The following STX6 variants were observed in gnomAD, a reference collection of about 807,000 sequenced individuals.
STX6 encodes the protein syntaxin-6.
A neutral mutation model predicts 38.0 loss-of-function variants in STX6; 23 were observed. That is an observed-to-expected ratio of 0.60 (90% CI 0.43 to 0.86). The LOEUF (loss-of-function observed/expected upper bound fraction) is 0.86, where lower values mean the gene tolerates loss of function less well. Among genes scored for constraint, STX6 ranks in the 40% least tolerant of loss-of-function variants. The pLI is 0.00. For synonymous variants in STX6, 123 were observed against 107.5 expected, an observed-to-expected ratio of 1.14 and a Z score of -0.89; for missense variants, 274 against 312.9, an observed-to-expected ratio of 0.88 and a Z score of 0.94.
intron 1 of STX6, among the ~76,000 whole-genome samples, chr1:181,009,428 C>T (rs965217521): frequency 1.2e-4 from 17 of 144,318 alleles, no homozygotes; most frequent in Non-Finnish European, 2.4e-4. Context: ...GAGATCGTGC[C>T]ATTGCACTCC....
chr1:180,988,216 G>A (rs560076744), intron 6 of STX6, 23 bp downstream of exon 6: 24 of 1,572,100 alleles, frequency 1.5e-5, no homozygotes, highest in East Asian at 2.2e-5. Flanking sequence ...TCACTGAAGC[G>A]AGAGGGGTGT....
chr1:180,984,678 A>C lies in STX6; in HGVS notation c.690T>G (p.Ser230Arg). Residue 230 changes from serine (S) to arginine (R), a missense_variant and splice_region_variant, in exon 7 of 8, where the codon AGT becomes AGG. Ser to Arg is a moderately radical substitution (Grantham distance 110). Coordinates refer to ENST00000258301, the MANE Select transcript of STX6 (RefSeq NM_005819.6). The part of the protein sequence containing the change: ...KKLAKVSHMT[S>R]DRRQWCAIAI... ...TTAAGCTTTAAACGCCATACATACC[A>C]CTGGTCATATGAGATACTTTTGCAA... 1 of 1,457,456 alleles carries C rather than the reference A, an allele frequency of 6.9e-7. No homozygotes were observed. Among genetic ancestry groups the C allele is most frequent in the Non-Finnish European group, 9.6e-7 (1 of 1,038,664 alleles). The allele number at this position is 1,457,456 out of a possible 1,614,324, so 90.3% of individuals were successfully genotyped here. A position where few individuals can be genotyped will look rare whatever the true frequency, so the allele number is the denominator to read the frequency against.
intron 3 of STX6, among the ~76,000 whole-genome samples, chr1:181,001,943 C>G (rs1329995641): frequency 6.6e-6 from 1 of 152,180 alleles, no homozygotes; most frequent in East Asian, 1.9e-4. Context: ...CTTTGAGAGG[C>G]TGAGGCAGGC....
At chr1:181,021,881 A>C (rs1285424619) in intron 1 of STX6, among the ~76,000 whole-genome samples, 5 of 152,246 alleles carry the variant, frequency 3.3e-5, no homozygotes, top group Non-Finnish European at 7.3e-5. Flanking sequence ...GAAATCAAGG[A>C]GTTAACAAGC....
At chr1:180,984,944 G>A (rs558882978) in intron 6 of STX6, among the ~76,000 whole-genome samples, 173 bp from the exon 7 acceptor site, 21 of 152,226 alleles carry the variant, frequency 1.4e-4, no homozygotes, top group African/African-American at 4.8e-4. Flanking sequence ...TTTTGATTTT[G>A]GAATTCTCAG....
At position 180,990,480 on chromosome 1, in the gene STX6, T is replaced by G. The variant is rs922158662; in HGVS notation, c.364-371A>C. 2.4e-4 allele frequency among the ~76,000 whole-genome samples: 36 copies of G among 152,194 alleles called. 1 individual carries two copies. Among genetic ancestry groups the G allele is most frequent in the Non-Finnish European group, 1.2e-4 (8 of 68,026 alleles). On this transcript the variant is annotated intron_variant, in intron 4 of 7. Transcript: ENST00000258301. ...AACTTCAGCAACCCATAGGTTCCAG[T>G]CAACCTGATTCCGAAGATCTAGAGT...
chr1:180,992,456 T>C (rs1373708436), intron 4 of STX6, among the ~76,000 whole-genome samples: 1 of 152,238 alleles, frequency 6.6e-6, no homozygotes, highest in Non-Finnish European at 1.5e-5. Flanking sequence ...AAGAGCCTAC[T>C]AAATGGACAA....
chr1:180,976,615 G>A lies in STX6; in HGVS notation c.723C>T (p.Leu241=). The part of the protein sequence containing the change: ...DRRQWCAIAI[L]FAVLLVVLIL... ...TGAGCACAACCAACAGGACTGCAAA[G>A]AGGATGGCTATGGCACACCATTGGC... is the stretch of plus-strand genomic sequence containing the variant. The change falls in exon 8 of 8, where the codon CTC becomes CTT. Residue 241 remains leucine, a synonymous_variant. Transcript: ENST00000258301. 6.2e-7 allele frequency: 1 copy of A among 1,613,762 alleles called. No individual in the cohort carries two copies. Among genetic ancestry groups the A allele is most frequent in the Non-Finnish European group, 8.5e-7 (1 of 1,180,022 alleles).
chr1:181,005,549 T>C, intron 1 of STX6, 86 bp from the exon 2 acceptor site: 1 of 1,307,790 alleles, frequency 7.6e-7, no homozygotes, highest in Non-Finnish European at 1.0e-6. Context: ...ACATTTATGA[T>C]CATACACCAT....
At position 181,022,572 on chromosome 1, in the gene STX6, A is replaced by C. The variant is rs1285490394; in HGVS notation, c.35+67T>G. The C allele has an allele frequency of 9.8e-6, 15 of 1,524,524 alleles. 1 individual carries two copies. Among genetic ancestry groups the C allele is most frequent in the Non-Finnish European group, 1.3e-5 (15 of 1,118,200 alleles). The allele number at this position is 1,524,524 out of a possible 1,614,324, so 94.4% of individuals were successfully genotyped here. On this transcript the variant is annotated intron_variant, in intron 1 of 7. Transcript: ENST00000258301. ...CCTCCCCTCCCCCCACTGCGAGAAG[A>C]CCTAGGAGGTGCGGGCAGGCAGCAC... is the stretch of plus-strand genomic sequence containing the variant.
At chr1:181,013,457 T>C (rs1008937237) in intron 1 of STX6, among the ~76,000 whole-genome samples, 2 of 152,158 alleles carry the variant, frequency 1.3e-5, no homozygotes, top group Non-Finnish European at 1.5e-5. Context: ...TTGCTAGGAC[T>C]ACAGGTGCAC....
At position 181,002,595 on chromosome 1, in the gene STX6, A is replaced by G. The variant is rs753675794; in HGVS notation, c.300+11T>C. ...CTTATACAGATAACACAATAAGATC[A>G]TATTCCTTACCCTGACAACTTGCCG... On this transcript the variant is annotated intron_variant, in intron 3 of 7. Coordinates refer to ENST00000258301, the MANE Select transcript of STX6 (RefSeq NM_005819.6). The G allele has an allele frequency of 2.5e-6, 4 of 1,590,562 alleles. No homozygotes were observed. Among genetic ancestry groups the G allele is most frequent in the Non-Finnish European group, 2.6e-6 (3 of 1,159,128 alleles).
intron 7 of STX6, among the ~76,000 whole-genome samples, chr1:180,983,499 T>A (rs1057065887): frequency 6.6e-6 from 1 of 152,226 alleles, no homozygotes; most frequent in Non-Finnish European, 1.5e-5. Context: ...CTGGAACATA[T>A]CTTATACAGT....
intron 1 of STX6, among the ~76,000 whole-genome samples, chr1:181,009,429 A>G (rs998522599): frequency 1.4e-5 from 2 of 147,934 alleles, no homozygotes; most frequent in South Asian, 4.4e-4. Flanking sequence ...AGATCGTGCC[A>G]TTGCACTCCA....
At chr1:180,994,935 C>G (rs1655858834) in intron 3 of STX6, among the ~76,000 whole-genome samples, 1 of 114,238 alleles carries the variant, frequency 8.8e-6, no homozygotes. Context: ...TAAAAATATG[C>G]ACAACCATAT....
intron 2 of STX6, among the ~76,000 whole-genome samples, chr1:181,004,054 T>G (rs898123188): frequency 6.6e-6 from 1 of 152,194 alleles, no homozygotes; most frequent in Non-Finnish European, 1.5e-5. Flanking sequence ...GCTAACACTA[T>G]TACATAAGCT....
intron 5 of STX6, chr1:180,988,932 T>C (rs1284271721): frequency 6.6e-6 from 1 of 152,484 alleles, no homozygotes; most frequent in Non-Finnish European, 1.5e-5. Context: ...TTTCCTGGGT[T>C]TAATAGCAAT....
intron 1 of STX6, among the ~76,000 whole-genome samples, chr1:181,011,517 C>A (rs1472725055): frequency 6.6e-6 from 1 of 152,228 alleles, no homozygotes; most frequent in African/African-American, 2.4e-5. Flanking sequence ...TCAAGAGCCA[C>A]AAGACACACC....
chr1:181,002,743 C>T (rs1656120007), intron 2 of STX6, 43 bp from the exon 3 acceptor site: 1 of 1,323,758 alleles, frequency 7.6e-7, no homozygotes, highest in South Asian at 1.2e-5. Context: ...TCATCAAAGC[C>T]TGACAACATC....
Sources: allele counts gnomAD v4.1 joint callset (sites outside exome capture counted in the v4.1 genomes callset), GRCh38; gene constraint gnomAD v4.1.1; transcripts MANE v1.5; gene names NCBI Gene and HGNC (gene_info 2026-07-23, HGNC 2026-07-21).